POLR1B: variants seen among roughly 807,000 people sequenced by gnomAD.
The protein encoded by POLR1B is RNA polymerase I subunit B.
POLR1B carries 30 observed loss-of-function variants against 105.8 expected under a neutral mutation model. The observed-to-expected ratio is 0.28, with a 90% CI of 0.21 to 0.38. The LOEUF (loss-of-function observed/expected upper bound fraction) is 0.38, where lower values mean the gene tolerates loss of function less well. Ranked by LOEUF, POLR1B falls within the 10% of genes least tolerant of loss-of-function variation. The pLI is 1.00. For missense variants in POLR1B, 976 were observed against 1,435.8 expected, an observed-to-expected ratio of 0.68 and a Z score of 5.17; for synonymous variants, 485 against 505.1, an observed-to-expected ratio of 0.96 and a Z score of 0.53.
intron 5 of POLR1B, among the ~76,000 whole-genome samples, chr2:112,551,537 T>G (rs1008731780): frequency 1.3e-5 from 2 of 152,142 alleles, no homozygotes; most frequent in Admixed American, 6.5e-5. Flanking sequence ...CAGCCTTGAT[T>G]CGGCATGGGA....
rs201484468 is a variant in POLR1B, at chr2:112,551,890, G to T, written c.878G>T (p.Gly293Val). ...SQMLRIVMEE[G>V]CSTQKQVLNY... ...ATGTTAAGGATTGTAATGGAAGAGG[G>T]TTGTTCGACACAAAAACAGGTCCTT... The change falls in exon 6 of 15, where the codon GGT (glycine) becomes GTT (valine). Residue 293 changes from glycine to valine, a missense_variant. Gly to Val is a moderately radical substitution (Grantham distance 109). This residue lies in a region of POLR1B where 452 missense variants were observed against 616.5 expected (regional missense o/e 0.73). Coordinates refer to ENST00000263331, the MANE Select transcript of POLR1B (RefSeq NM_019014.6). 104 of 1,614,038 alleles carry T rather than the reference G, an allele frequency of 6.4e-5. No individual in the cohort carries two copies. The East Asian group carries it at 2.3e-3, about 35-fold the overall frequency.
Position 112,547,051 on chromosome 2 carries a change from A to C in POLR1B, c.217A>C (p.Ile73Leu), listed in dbSNP as rs1230192632. 6.2e-7 allele frequency: 1 copy of C among 1,614,092 alleles called. No individual in the cohort carries two copies. The highest frequency in any genetic ancestry group is 8.5e-7 in the Non-Finnish European group (1 of 1,180,032). Reference protein sequence around the residue: ...PFEFAFKDERISFTILDAVIS... With the variant: ...PFEFAFKDERLSFTILDAVIS... ...TGAATTTGCTTTCAAAGATGAGCGTATCTCTTTTACTATTCTGGATGCTGT... is the reference window on the plus strand; with the variant it reads ...TGAATTTGCTTTCAAAGATGAGCGTCTCTCTTTTACTATTCTGGATGCTGT... The change falls in exon 2 of 15, where the codon ATC becomes CTC. Residue 73 changes from isoleucine to leucine, a missense_variant. Physicochemically the swap from Ile to Leu is conservative, Grantham distance 5. Transcript: ENST00000263331.
At chr2:112,572,827 C>G (rs1363876862) in intron 13 of POLR1B, 69 bp downstream of exon 13, 2 of 1,368,320 alleles carry the variant, frequency 1.5e-6, no homozygotes, top group Non-Finnish European at 2.0e-6. Context: ...TGTGAAATCA[C>G]TGAAGGAATA....
Position 112,577,972 on chromosome 2 carries a change from G to A in POLR1B, c.*2243G>A, listed in dbSNP as rs542524602. On this transcript the variant is annotated 3_prime_UTR_variant, in exon 15 of 15. Coordinates refer to ENST00000263331, the MANE Select transcript of POLR1B (RefSeq NM_019014.6). ...GACTGACGTTTCCCCCTGCTGTTAAGAATCCCAACCACACACTTTCACACA... is the reference window on the plus strand; with the variant it reads ...GACTGACGTTTCCCCCTGCTGTTAAAAATCCCAACCACACACTTTCACACA... Among the ~76,000 whole-genome samples, 40 of 152,210 alleles carry A rather than the reference G, an allele frequency of 2.6e-4. No individual in the cohort carries two copies. Among genetic ancestry groups the A allele is most frequent in the African/African-American group, 9.1e-4 (38 of 41,534 alleles).
chr2:112,542,303 C>T, upstream of POLR1B: 7 of 1,528,394 alleles, frequency 4.6e-6, no homozygotes, highest in Non-Finnish European at 5.3e-6. Context: ...TCGGCCCGTT[C>T]ACTCGACGTT....
chr2:112,562,768 C>T (rs1235209484), intron 9 of POLR1B, among the ~76,000 whole-genome samples: 2 of 149,278 alleles, frequency 1.3e-5, no homozygotes, highest in African/African-American at 2.5e-5. Context: ...CGCTCTTGCC[C>T]AGGCTGGAGT....
intron 13 of POLR1B, among the ~76,000 whole-genome samples, chr2:112,573,203 A>G (rs747726449): frequency 1.3e-5 from 2 of 152,176 alleles, no homozygotes; most frequent in Non-Finnish European, 2.9e-5. Context: ...TCTGGGTTCA[A>G]GCAGTTCTCC....
intron 5 of POLR1B, 139 bp from the exon 6 acceptor site, chr2:112,551,635 AG>A: frequency 2.8e-6 from 2 of 701,954 alleles, no homozygotes; most frequent in South Asian, 4.0e-5. Context: ...GCTTTATTTT[AG>A]AGAGTTTACT....
chr2:112,547,192 G>A lies in POLR1B; in HGVS notation c.345+13G>A, dbSNP rs756329913. On this transcript the variant is annotated intron_variant, in intron 2 of 14. Coordinates refer to ENST00000263331, the MANE Select transcript of POLR1B (RefSeq NM_019014.6). ...TGGGAAGTTGACAGTGAGTACTAGT[G>A]ATACTGTGTGACTCTCAACACTGCA... 10 of 1,613,388 alleles carry A rather than the reference G, an allele frequency of 6.2e-6. No homozygotes were observed. The African/African-American group carries it at 1.3e-4, about 22-fold the overall frequency.
intron 1 of POLR1B, among the ~76,000 whole-genome samples, chr2:112,545,379 A>G (rs1344915052): frequency 6.6e-6 from 1 of 152,204 alleles, no homozygotes; most frequent in Non-Finnish European, 1.5e-5. Flanking sequence ...AATAATATGT[A>G]TTAAATAAGC....
Position 112,557,919 on chromosome 2 carries a change from GA to G in POLR1B, c.1170del (p.Gly391ValfsTer3). On this transcript the variant is annotated frameshift_variant, in exon 8 of 15. Coordinates refer to ENST00000263331, the MANE Select transcript of POLR1B (RefSeq NM_019014.6). LOFTEE classifies it high-confidence loss of function. ...TTTTTCCTTATTTCAGGAAAAACTG[GA>G]AGGTTGGTTAGTGTCTATTAAAATA... ...LFLMFLKEKLEGWLVSIKIAF... is the reference protein window; with the variant it reads ...LFLMFLKEKLXGWLVSIKIAF... The G allele has an allele frequency of 7.6e-7, 1 of 1,322,982 alleles. No individual in the cohort carries two copies. The highest frequency in any genetic ancestry group is 9.8e-7 in the Non-Finnish European group (1 of 1,017,428). 82.0% of individuals were successfully genotyped at this position (1,322,982 alleles called of 1,614,324 possible).
intron 9 of POLR1B, among the ~76,000 whole-genome samples, 192 bp downstream of exon 9, chr2:112,559,766 A>G (rs987368605): frequency 8.4e-4 from 127 of 151,866 alleles, no homozygotes; most frequent in African/African-American, 2.6e-3. Flanking sequence ...GAGTAGCTGG[A>G]ACTACAGGCG....
Position 112,575,322 on chromosome 2 carries a change from C to T in POLR1B, c.3001C>T (p.Arg1001Cys). The T allele has an allele frequency of 6.2e-7, 1 of 1,614,006 alleles. No homozygotes were observed. The highest frequency in any genetic ancestry group is 8.5e-7 in the Non-Finnish European group (1 of 1,180,032). Residue 1001 changes from arginine (R) to cysteine (C), a missense_variant, in exon 15 of 15, where the codon CGC becomes TGC. Coordinates refer to ENST00000263331, the MANE Select transcript of POLR1B (RefSeq NM_019014.6). This position sits in a 1 kb window ranked among gnomAD's most constrained non-coding sequence, Gnocchi z 5.3. ...DIFIGVVYYQ[R>C]LRHMVSDKFQ... is the part of the protein sequence containing the mutation. The stretch of plus-strand genomic sequence containing the variant: ...CTTCATAGGAGTGGTTTATTATCAG[C>T]GCTTACGCCATATGGTCTCAGACAA...
intron 7 of POLR1B, among the ~76,000 whole-genome samples, chr2:112,556,746 C>G (rs1050767973): frequency 1.3e-5 from 2 of 152,178 alleles, no homozygotes; most frequent in African/African-American, 4.8e-5. Flanking sequence ...CAAACATTCT[C>G]TTAGGTATTT....
chr2:112,550,023 G>A (rs1683281597), intron 4 of POLR1B, among the ~76,000 whole-genome samples: 1 of 152,196 alleles, frequency 6.6e-6, no homozygotes, highest in Admixed American at 6.5e-5. Flanking sequence ...AACTGAAAGA[G>A]CATGTGTATT....
chr2:112,561,288 A>G (rs1379041249), intron 9 of POLR1B, among the ~76,000 whole-genome samples: 1 of 152,166 alleles, frequency 6.6e-6, no homozygotes. Context: ...CTGCAGAAAA[A>G]GAGATGGGGA....
chr2:112,563,361 A>G (rs1434561878), intron 9 of POLR1B, among the ~76,000 whole-genome samples: 1 of 152,096 alleles, frequency 6.6e-6, no homozygotes, highest in Non-Finnish European at 1.5e-5. Context: ...GGCCTGTGAC[A>G]ATTTCTTAAA....
At position 112,579,469 on chromosome 2, in the gene POLR1B, G is replaced by C. The variant is rs1422723745; in HGVS notation, c.*3740G>C. On this transcript the variant is annotated 3_prime_UTR_variant, in exon 15 of 15. Coordinates refer to ENST00000263331, the MANE Select transcript of POLR1B (RefSeq NM_019014.6). Reference sequence around the variant, plus strand: ...GCATTCTGACCAACCAGCATTTGGTGATGTCACTTTTTTTTTAAGGCTAGT... The same window carrying C: ...GCATTCTGACCAACCAGCATTTGGTCATGTCACTTTTTTTTTAAGGCTAGT... The C allele has an allele frequency of 6.6e-6, 1 of 152,056 alleles. No homozygotes were observed. The highest frequency in any genetic ancestry group is 1.9e-4 in the East Asian group (1 of 5,186). 9.4% of individuals were successfully genotyped at this position (152,056 alleles called of 1,614,324 possible).
Position 112,576,435 on chromosome 2 carries a change from C to T in POLR1B, c.*706C>T, listed in dbSNP as rs1395052738. On this transcript the variant is annotated 3_prime_UTR_variant, in exon 15 of 15. Coordinates refer to ENST00000263331, the MANE Select transcript of POLR1B (RefSeq NM_019014.6). ...GTGCACGATATAGTATTGTTAATTC[C>T]AGGCACCATGTTGTACAACAGATCT... 6.6e-6 allele frequency: 1 copy of T among 152,164 alleles called. No individual in the cohort carries two copies. Among genetic ancestry groups the T allele is most frequent in the African/African-American group, 2.4e-5 (1 of 41,420 alleles). 9.4% of individuals were successfully genotyped at this position (152,164 alleles called of 1,614,324 possible).
Sources: gnomAD v4.1 joint callset for allele counts (sites outside exome capture counted in the v4.1 genomes callset) on GRCh38, gnomAD v4.1.1 for gene constraint, gnomAD v4.1.1 regional missense constraint, Gnocchi (gnomAD v3.1) non-coding constraint, MANE v1.5 for transcripts, NCBI Gene and HGNC (gene_info 2026-07-23, HGNC 2026-07-21) for gene names.